P3H1: variants seen among roughly 807,000 people sequenced by gnomAD.
P3H1 encodes the protein prolyl 3-hydroxylase 1, also known as growth suppressor 1.
P3H1 carries 69 observed loss-of-function variants against 84.0 expected under a neutral mutation model. The observed-to-expected ratio is 0.82, with a 90% confidence interval of 0.68 to 1.00. The LOEUF (loss-of-function observed/expected upper bound fraction) is 1.00. Ranked by LOEUF, P3H1 falls within the 50% of genes least tolerant of loss-of-function variation. The pLI, the probability that P3H1 is intolerant of heterozygous loss-of-function variation, is 0.00. For missense variants in P3H1, 878 were observed against 962.8 expected (o/e 0.91, Z 1.17); for synonymous variants, 366 against 388.8 (o/e 0.94, Z 0.69).
rs1291580808 is a variant in P3H1 at position 42,766,810 on chromosome 1, C to G, written c.162G>C (p.Val54=). 6.2e-7 allele frequency: 1 copy of G among 1,603,326 alleles called. No homozygotes were observed. ...AAYARGDWPG[V]VLSMERALRS... is the part of the protein sequence containing the mutation. ...GCAGCGCCCGTTCCATGCTCAGGACCACCCCGGGCCAGTCCCCGCGCGCGT... is the reference window on the plus strand; with the variant it reads ...GCAGCGCCCGTTCCATGCTCAGGACGACCCCGGGCCAGTCCCCGCGCGCGT... The change falls in exon 1 of 15, where the codon GTG becomes GTC. Residue 54 remains valine, a synonymous_variant. Transcript: ENST00000296388.
rs1570479338 is a variant in P3H1 at position 42,762,311 on chromosome 1, A to C, written c.618+12T>G. The stretch of plus-strand genomic sequence containing the variant: ...AAGAAAGAAAGAAAGAAGGGGATAA[A>C]GTTTTTTTCACCATATGGGGTTGAG... On this transcript the variant is annotated intron_variant, in intron 2 of 14. Coordinates refer to ENST00000296388, the MANE Select transcript of P3H1 (RefSeq NM_022356.4). 2 of 1,612,336 alleles carry C rather than the reference A, an allele frequency of 1.2e-6. No homozygotes were observed. The highest frequency in any genetic ancestry group is 1.7e-5 in the Admixed American group (1 of 59,976).
At chr1:42,751,572 A>G (rs6661885) in intron 10 of P3H1, 3 of 141,968 alleles carry the variant, frequency 2.1e-5, no homozygotes, top group African/African-American at 8.1e-5. Context: ...CAATAAAAAA[A>G]AAATAAATAA....
intron 5 of P3H1, among the ~76,000 whole-genome samples, chr1:42,756,942 G>C (rs779469756): frequency 6.6e-6 from 1 of 152,326 alleles, no homozygotes; most frequent in Middle Eastern, 3.4e-3. Flanking sequence ...AGCCCACCCC[G>C]CACAGAGCTT....
intron 10 of P3H1, chr1:42,751,793 G>T: frequency 4.9e-6 from 1 of 205,052 alleles, no homozygotes; most frequent in Non-Finnish European, 1.0e-5. Context: ...TCTCGGGTAC[G>T]TCTTTATCAG....
At chr1:42,756,971 A>G (rs1269552062) in intron 5 of P3H1, among the ~76,000 whole-genome samples, 1 of 152,260 alleles carries the variant, frequency 6.6e-6, no homozygotes, top group African/African-American at 2.4e-5. Flanking sequence ...CAGCGGCTCA[A>G]CAAATGTTAG....
At chr1:42,764,135 G>T (rs1296182849) in intron 1 of P3H1, among the ~76,000 whole-genome samples, 4 of 151,716 alleles carry the variant, frequency 2.6e-5, no homozygotes, top group Non-Finnish European at 5.9e-5. Flanking sequence ...CGTCTCAAAA[G>T]AAAAGAGGGC....
intron 6 of P3H1, 56 bp from the exon 7 acceptor site, chr1:42,755,273 T>C (rs1652334990): frequency 2.0e-6 from 3 of 1,519,408 alleles, no homozygotes; most frequent in Non-Finnish European, 2.7e-6. Context: ...ATCTTCCAGG[T>C]GTCTCAATGC....
chr1:42,755,065 C>G (rs907935087), intron 7 of P3H1, 75 bp from the exon 8 acceptor site: 1 of 1,613,750 alleles, frequency 6.2e-7, no homozygotes. Flanking sequence ...CAAACTGGAC[C>G]TGCCCACCCC....
At chr1:42,755,436 C>A (rs1454678224) in intron 6 of P3H1, 112 bp downstream of exon 6, 1 of 1,074,974 alleles carries the variant, frequency 9.3e-7, no homozygotes, top group Admixed American at 1.7e-5. Context: ...CCAGGCTAGG[C>A]TCAGCCTCCA....
At chr1:42,747,011 G>A (rs1323267656) in intron 14 of P3H1, 159 bp from the exon 15 acceptor site, 2 of 1,614,128 alleles carry the variant, frequency 1.2e-6, no homozygotes, top group Admixed American at 3.3e-5. Context: ...CAGCTGAAGT[G>A]GGGCCCAAGG....
chr1:42,754,312 A>G lies in P3H1; in HGVS notation c.1345+557T>C, dbSNP rs1190234795. 2.6e-5 allele frequency among the ~76,000 whole-genome samples: 4 copies of G among 152,192 alleles called. No homozygotes were observed. Among genetic ancestry groups the G allele is most frequent in the Non-Finnish European group, 5.9e-5 (4 of 68,038 alleles). ...CTGAGAAGCACTGCAGAGCAGAGCC[A>G]CAATCAGTAGGCCTTCCCAGCAGCT... On this transcript the variant is annotated intron_variant, in intron 8 of 14. Transcript: ENST00000296388. This position sits in a 1 kb window ranked among gnomAD's most constrained non-coding sequence, Gnocchi z 4.0.
At chr1:42,759,443 T>C in intron 2 of P3H1, 53 bp from the exon 3 acceptor site, 1 of 1,542,990 alleles carries the variant, frequency 6.5e-7, no homozygotes, top group East Asian at 2.3e-5. Context: ...GAACCCTCTC[T>C]CCTTGCCCTC....
At chr1:42,752,815 T>C in intron 8 of P3H1, 151 bp from the exon 9 acceptor site, 5 of 990,202 alleles carry the variant, frequency 5.0e-6, no homozygotes, top group South Asian at 1.4e-5. Context: ...AAAGGTAGAA[T>C]AGTCCAGAGG....
intron 6 of P3H1, 101 bp from the exon 7 acceptor site, chr1:42,755,318 C>A: frequency 8.4e-7 from 1 of 1,185,800 alleles, no homozygotes; most frequent in Non-Finnish European, 1.3e-6. Flanking sequence ...TCCAGCTTAT[C>A]ACCCTCTTCC....
Position 42,748,321 on chromosome 1 carries a change from G to A in P3H1, c.1721-4C>T, listed in dbSNP as rs200901466. 1.2e-4 allele frequency: 197 copies of A among 1,607,252 alleles called. 1 individual carries two copies. In the East Asian group the frequency reaches 3.9e-3, roughly 32 times the overall value. ...TCCTTCCTCTCTGCCTGGACCTCTGGGGCCAATGTCACACATGTTAGCAAG... is the reference window on the plus strand; with the variant it reads ...TCCTTCCTCTCTGCCTGGACCTCTGAGGCCAATGTCACACATGTTAGCAAG... On this transcript the variant is annotated splice_polypyrimidine_tract_variant and splice_region_variant and intron_variant, in intron 11 of 14. Coordinates refer to ENST00000296388, the MANE Select transcript of P3H1 (RefSeq NM_022356.4).
At chr1:42,759,463 C>G in intron 2 of P3H1, 73 bp from the exon 3 acceptor site, 1 of 1,328,648 alleles carries the variant, frequency 7.5e-7, no homozygotes, top group Non-Finnish European at 1.1e-6. Context: ...CAGCCACCTT[C>G]ACAGGGGTCC....
At chr1:42,765,476 G>A (rs1652939042) in intron 1 of P3H1, among the ~76,000 whole-genome samples, 1 of 152,226 alleles carries the variant, frequency 6.6e-6, no homozygotes, top group African/African-American at 2.4e-5. Flanking sequence ...GAACTGGAAT[G>A]CAGTAGGTAT....
intron 12 of P3H1, 85 bp from the exon 13 acceptor site, chr1:42,747,883 A>AG: frequency 7.6e-7 from 1 of 1,316,536 alleles, no homozygotes; most frequent in South Asian, 1.2e-5. Flanking sequence ...CTCAACCAGC[A>AG]GCAGGAGGGT....
In P3H1 at chr1:42,766,963, T is replaced by C. The variant is rs1300737039; in HGVS notation, c.9A>G (p.Val3=). The C allele has an allele frequency of 2.5e-6, 4 of 1,607,054 alleles. No individual in the cohort carries two copies. The highest frequency in any genetic ancestry group is 1.3e-5 in the African/African-American group (1 of 74,874). ...GTGTGGTCAGCAGCTTCAACGCGCG[T>C]ACCGCCATCGCTCCCTCAGACCTAA... The part of the protein sequence containing the change: MA[V]RALKLLTTLL... The change falls in exon 1 of 15, where the codon GTA becomes GTG. Residue 3 remains valine, a synonymous_variant. Transcript: ENST00000296388.
Sources: allele counts gnomAD v4.1 joint callset (sites outside exome capture counted in the v4.1 genomes callset), GRCh38; gene constraint gnomAD v4.1.1; non-coding constraint Gnocchi (gnomAD v3.1); transcripts MANE v1.5; gene names NCBI Gene and HGNC (gene_info 2026-07-23, HGNC 2026-07-21).